Variants in TTC28 observed in about 807,000 individuals in gnomAD.
TTC28 encodes the protein tetratricopeptide repeat protein 28.
A neutral mutation model predicts 198.0 loss-of-function variants in TTC28; 61 were observed. The ratio of observed to expected loss-of-function variants is 0.31; its 90% CI spans 0.25 to 0.38. TTC28 has a LOEUF of 0.38. TTC28 is among the 10% of genes least tolerant of loss of function. TTC28 has a pLI of 1.00. For synonymous variants in TTC28, 1,171 were observed against 1,297.8 expected, an observed-to-expected ratio of 0.90 and a Z score of 2.10; for missense variants, 2,678 against 3,164.0, an observed-to-expected ratio of 0.85 and a Z score of 3.69.
At chr22:28,137,414 A>G (rs1943224249) in intron 6 of TTC28, among the ~76,000 whole-genome samples, 1 of 152,116 alleles carries the variant, frequency 6.6e-6, no homozygotes, top group Admixed American at 6.5e-5. Flanking sequence ...GCTTCTCAGA[A>G]GCGTACAGGT....
intron 1 of TTC28, among the ~76,000 whole-genome samples, chr22:28,676,079 T>C (rs1031511999): frequency 6.6e-5 from 10 of 150,904 alleles, no homozygotes; most frequent in Admixed American, 5.9e-4. Flanking sequence ...ATAGCAGCAT[T>C]ATTCATAATA....
intron 2 of TTC28, among the ~76,000 whole-genome samples, chr22:28,552,423 G>A (rs9625501): frequency 0.069 from 10,521 of 152,088 alleles, 534 homozygotes; most frequent in Non-Finnish European, 0.095. Flanking sequence ...GCATAGCCAC[G>A]TAAGACTAAG....
chr22:28,304,807 G>A (rs1234538077), intron 3 of TTC28, among the ~76,000 whole-genome samples: 2 of 152,058 alleles, frequency 1.3e-5, no homozygotes, highest in East Asian at 1.9e-4. Flanking sequence ...AATAAAAAAT[G>A]TTCCATGTAA....
At chr22:28,153,935 T>G (rs1315326849) in intron 6 of TTC28, among the ~76,000 whole-genome samples, 1 of 152,132 alleles carries the variant, frequency 6.6e-6, no homozygotes, top group Non-Finnish European at 1.5e-5. Context: ...CTGAAACTGA[T>G]GTGTGTGGGA....
chr22:28,610,723 T>C (rs2050805427), intron 2 of TTC28, among the ~76,000 whole-genome samples: 2 of 152,112 alleles, frequency 1.3e-5, no homozygotes, highest in African/African-American at 4.8e-5. Context: ...AGAATGAGTT[T>C]GACAAATTGA....
At chr22:27,993,604 G>C (rs529032357) in intron 17 of TTC28, 86 bp from the exon 18 acceptor site, 1 of 1,361,462 alleles carries the variant, frequency 7.3e-7, no homozygotes, top group East Asian at 2.5e-5. Flanking sequence ...AAGCCCCAGG[G>C]TGAAGCCAGG....
chr22:28,066,425 C>G (rs1378221712), intron 12 of TTC28, among the ~76,000 whole-genome samples: 1 of 152,052 alleles, frequency 6.6e-6, no homozygotes, highest in Non-Finnish European at 1.5e-5. Flanking sequence ...GACATTAGAT[C>G]TCTAGACTCA....
At chr22:28,425,185 G>A (rs887623819) in intron 2 of TTC28, among the ~76,000 whole-genome samples, 1 of 152,182 alleles carries the variant, frequency 6.6e-6, no homozygotes, top group Non-Finnish European at 1.5e-5. Flanking sequence ...ATCAGAATAT[G>A]AATTAATCTG....
At chr22:28,127,659 AAATAT>A (rs1289059106) in intron 6 of TTC28, among the ~76,000 whole-genome samples, 8 of 152,308 alleles carry the variant, frequency 5.3e-5, no homozygotes, top group African/African-American at 1.7e-4. Context: ...TGGGTTAATA[AAATAT>A]ATTATTAAAA....
intron 2 of TTC28, among the ~76,000 whole-genome samples, chr22:28,417,596 T>A (rs1260632396): frequency 6.6e-6 from 1 of 152,224 alleles, no homozygotes; most frequent in Admixed American, 6.5e-5. Context: ...GTTTAGATTT[T>A]ATCTACCTAC....
intron 12 of TTC28, among the ~76,000 whole-genome samples, chr22:28,078,730 T>C (rs542501898): frequency 2.6e-5 from 4 of 152,256 alleles, no homozygotes; most frequent in African/African-American, 7.2e-5. Context: ...CAGTTGTTCA[T>C]GCAAACATTT....
intron 12 of TTC28, among the ~76,000 whole-genome samples, chr22:28,043,791 C>T (rs1394935696): frequency 1.3e-5 from 2 of 152,176 alleles, no homozygotes; most frequent in Non-Finnish European, 2.9e-5. Flanking sequence ...TGTGTCCTTA[C>T]TGCCCAAAGC....
At chr22:28,357,663 T>A (rs1306672078) in intron 2 of TTC28, among the ~76,000 whole-genome samples, 2 of 152,044 alleles carry the variant, frequency 1.3e-5, no homozygotes, top group African/African-American at 2.4e-5. Flanking sequence ...GTCAATTGAG[T>A]TTTTTACATT....
At chr22:28,017,518 C>T (rs771233289) in intron 13 of TTC28, among the ~76,000 whole-genome samples, 2 of 151,820 alleles carry the variant, frequency 1.3e-5, no homozygotes, top group African/African-American at 2.4e-5. Flanking sequence ...CCTGCCTGGA[C>T]AAAGTGGAGG....
Position 28,464,442 on chromosome 22 carries a change from AGCATAT to A in TTC28, c.382-157805_382-157800del, listed in dbSNP as rs557544963. On this transcript the variant is annotated intron_variant, in intron 2 of 22. Transcript: ENST00000397906. ...TATATCCCCATAAGACTAGTGAGGA[AGCATAT>A]GCATATTTACTGTATCAGTAGCTTC... 3.3e-5 allele frequency among the ~76,000 whole-genome samples: 5 copies of A among 152,338 alleles called. No individual in the cohort carries two copies. The East Asian group carries it at 9.6e-4, about 29-fold the overall frequency.
intron 2 of TTC28, among the ~76,000 whole-genome samples, chr22:28,625,560 G>A (rs1332515010): frequency 6.6e-6 from 1 of 152,128 alleles, no homozygotes; most frequent in Non-Finnish European, 1.5e-5. Context: ...CTAAGTAAAT[G>A]GAGGAATACA....
At chr22:28,602,972 C>G (rs548731212) in intron 2 of TTC28, among the ~76,000 whole-genome samples, 4 of 152,228 alleles carry the variant, frequency 2.6e-5, no homozygotes, top group East Asian at 1.9e-4. Flanking sequence ...CTCTGCCTCC[C>G]GGGTTCCAGC....
chr22:28,600,564 G>C (rs1368576505), intron 2 of TTC28, among the ~76,000 whole-genome samples: 1 of 152,154 alleles, frequency 6.6e-6, no homozygotes, highest in Non-Finnish European at 1.5e-5. Context: ...CAAAGATGCT[G>C]TAAGACTCTT....
At chr22:28,399,596 C>T (rs918513572) in intron 2 of TTC28, among the ~76,000 whole-genome samples, 19 of 152,100 alleles carry the variant, frequency 1.2e-4, no homozygotes, top group African/African-American at 4.3e-4. Flanking sequence ...TCAGCCACTA[C>T]GCCCAGCCTA....
Sources: gnomAD v4.1 joint callset for allele counts (sites outside exome capture counted in the v4.1 genomes callset) on GRCh38, gnomAD v4.1.1 for gene constraint, MANE v1.5 for transcripts, NCBI Gene and HGNC (gene_info 2026-07-23, HGNC 2026-07-21) for gene names.